The following MAML3 variants were observed in gnomAD, a reference collection of about 807,000 sequenced individuals.
MAML3 encodes the protein mastermind like transcriptional coactivator 3, also known as mastermind-like protein 3.
In MAML3, 27 loss-of-function variants were observed where a neutral mutation model predicts 101.9. That is an observed-to-expected ratio of 0.27 (90% CI 0.20 to 0.37). The LOEUF (loss-of-function observed/expected upper bound fraction) is 0.37, where lower values mean the gene tolerates loss of function less well. Ranked by LOEUF, MAML3 falls within the 10% of genes least tolerant of loss-of-function variation. MAML3 has a pLI of 1.00. For missense variants in MAML3, 1,316 were observed against 1,444.9 expected (o/e 0.91, Z 1.45); for synonymous variants, 501 against 555.9 (o/e 0.90, Z 1.39).
rs1732442947 is a variant in MAML3, at chr4:139,890,162, T to C, written c.1274A>G (p.His425Arg). 6.2e-7 allele frequency: 1 copy of C among 1,613,512 alleles called. No individual in the cohort carries two copies. The highest frequency in any genetic ancestry group is 8.5e-7 in the Non-Finnish European group (1 of 1,179,876). The change falls in exon 2 of 5, where the codon CAC (histidine) becomes CGC (arginine). Residue 425 changes from histidine to arginine, a missense_variant. His to Arg is a conservative substitution (Grantham distance 29). Coordinates refer to ENST00000509479, the MANE Select transcript of MAML3 (RefSeq NM_018717.5). The surrounding 1 kb of genome is among the most constrained non-coding windows in gnomAD (Gnocchi z 4.1). Reference sequence around the variant, plus strand: ...CCGAGGTGGAGCTTGGCCTGGAGTGTGGGCTTGGTTTGGAGTTTGAGGGGA... The same window carrying C: ...CCGAGGTGGAGCTTGGCCTGGAGTGCGGGCTTGGTTTGGAGTTTGAGGGGA... ...VQSPQTPNQAHTPGQAPPRPG... is the reference protein window; with the variant it reads ...VQSPQTPNQARTPGQAPPRPG...
Position 139,825,765 on chromosome 4 carries a change from GAAA to G in MAML3, c.2079+63589_2079+63591del, listed in dbSNP as rs10572822. Among the ~76,000 whole-genome samples, 390 of 145,426 alleles carry G rather than the reference GAAA, an allele frequency of 2.7e-3. 1 individual carries two copies. The highest frequency in any genetic ancestry group is 8.2e-3 in the African/African-American group (325 of 39,714). ...CAATGACTTCAAGGAAGAGAAGAAG[GAAA>G]AAAAAAAAAAAGTTGCACGTTCTTT... On this transcript the variant is annotated intron_variant, in intron 2 of 4. Coordinates refer to ENST00000509479, the MANE Select transcript of MAML3 (RefSeq NM_018717.5).
chr4:139,923,542 G>A (rs1733167507), intron 1 of MAML3, among the ~76,000 whole-genome samples: 1 of 152,114 alleles, frequency 6.6e-6, no homozygotes, highest in Non-Finnish European at 1.5e-5. Flanking sequence ...ATTGATAAAT[G>A]CCTTGCTCGT....
intron 2 of MAML3, among the ~76,000 whole-genome samples, chr4:139,772,081 A>G (rs1053730554): frequency 5.3e-5 from 8 of 151,460 alleles, no homozygotes; most frequent in African/African-American, 1.9e-4. Context: ...TCTACTAAAA[A>G]TACAAAAAAT....
At chr4:140,147,476 T>C (rs1729084163) in intron 1 of MAML3, among the ~76,000 whole-genome samples, 1 of 152,174 alleles carries the variant, frequency 6.6e-6, no homozygotes, top group Non-Finnish European at 1.5e-5. Context: ...GATAACGGTG[T>C]TAAAGATCAC....
intron 1 of MAML3, among the ~76,000 whole-genome samples, chr4:140,087,934 A>G (rs1727984278): frequency 6.6e-6 from 1 of 152,254 alleles, no homozygotes; most frequent in African/African-American, 2.4e-5. Flanking sequence ...AGTAACAATC[A>G]AGCATAAATA....
chr4:140,076,055 C>T (rs1484394291), intron 1 of MAML3, among the ~76,000 whole-genome samples: 1 of 151,362 alleles, frequency 6.6e-6, no homozygotes, highest in African/African-American at 2.4e-5. Flanking sequence ...AGCCACCACA[C>T]CCAGCCTCCC....
At chr4:139,981,607 C>A (rs746914225) in intron 1 of MAML3, among the ~76,000 whole-genome samples, 22 of 152,188 alleles carry the variant, frequency 1.4e-4, no homozygotes, top group Admixed American at 2.6e-4. Context: ...AGATTTTCTT[C>A]ATTTTTACCT....
chr4:139,838,130 TCAC>T (rs2111141807), intron 2 of MAML3, among the ~76,000 whole-genome samples: 1 of 151,756 alleles, frequency 6.6e-6, no homozygotes, highest in Non-Finnish European at 1.5e-5. Context: ...TTTTCCCAGA[TCAC>T]CATTATAGGA....
At chr4:140,066,246 A>T (rs1727534870) in intron 1 of MAML3, among the ~76,000 whole-genome samples, 1 of 152,236 alleles carries the variant, frequency 6.6e-6, no homozygotes, top group Non-Finnish European at 1.5e-5. Flanking sequence ...AGGACTGATA[A>T]TCACTCTAGC....
At chr4:140,151,629 G>A (rs1038428847) in intron 1 of MAML3, among the ~76,000 whole-genome samples, 2 of 151,598 alleles carry the variant, frequency 1.3e-5, no homozygotes, top group African/African-American at 4.8e-5. Context: ...GAAGGCGCGC[G>A]GCCCCGGCAC....
In MAML3 at chr4:139,868,170, C is replaced by T. The variant is rs373192294; in HGVS notation, c.2079+21187G>A. Among the ~76,000 whole-genome samples the T allele has an allele frequency of 8.5e-5, 13 of 152,332 alleles. 1 individual carries two copies. The South Asian group carries it at 2.7e-3, about 32-fold the overall frequency. On this transcript the variant is annotated intron_variant, in intron 2 of 4. Coordinates refer to ENST00000509479, the MANE Select transcript of MAML3 (RefSeq NM_018717.5). Reference sequence around the variant, plus strand: ...AATCCTACATATTGTTTTAGACCATCTGATTACACTTAGGAGCTATTTAGG... The same window carrying T: ...AATCCTACATATTGTTTTAGACCATTTGATTACACTTAGGAGCTATTTAGG...
intron 1 of MAML3, among the ~76,000 whole-genome samples, chr4:140,079,485 A>C (rs1020020718): frequency 3.8e-4 from 57 of 151,950 alleles, no homozygotes; most frequent in African/African-American, 1.3e-3. Context: ...GTAGATATGG[A>C]GTTTCACCAC....
chr4:140,043,706 C>T (rs1019259393), intron 1 of MAML3, among the ~76,000 whole-genome samples: 2 of 152,158 alleles, frequency 1.3e-5, no homozygotes, highest in South Asian at 2.1e-4. Flanking sequence ...ATCAATCGTG[C>T]CCACCTAGAT....
In MAML3 at chr4:139,833,848, TCA is replaced by T. The variant is rs1731214052; in HGVS notation, c.2079+55507_2079+55508del. Among the ~76,000 whole-genome samples, 6 of 152,102 alleles carry T rather than the reference TCA, an allele frequency of 3.9e-5. No homozygotes were observed. In the South Asian group the frequency reaches 1.2e-3, roughly 32 times the overall value. On this transcript the variant is annotated intron_variant, in intron 2 of 4. Transcript: ENST00000509479. Reference sequence around the variant, plus strand: ...TCCACCAGCTCTTCAGAAGAATGAATCACAGTATCCCTTCTCACACGGGAACC... The same window carrying T: ...TCCACCAGCTCTTCAGAAGAATGAATCAGTATCCCTTCTCACACGGGAACC...
chr4:139,888,618 T>C (rs1027176188), intron 2 of MAML3: 1 of 519,020 alleles, frequency 1.9e-6, no homozygotes, highest in East Asian at 5.4e-5. Flanking sequence ...TTACCATGCA[T>C]ACCAAGAGCC....
intron 1 of MAML3, among the ~76,000 whole-genome samples, chr4:140,104,421 A>ATATATTATATAT (rs1728315556): frequency 3.2e-5 from 1 of 31,618 alleles, no homozygotes; most frequent in Non-Finnish European, 8.0e-5. Context: ...ATAATATATA[A>ATATATTATATAT]TATACACGAA....
intron 1 of MAML3, among the ~76,000 whole-genome samples, chr4:139,957,633 C>A (rs925045089): frequency 6.6e-6 from 1 of 152,184 alleles, no homozygotes; most frequent in Non-Finnish European, 1.5e-5. Flanking sequence ...CAGTCCTGCA[C>A]ATCAAGCAAA....
intron 1 of MAML3, among the ~76,000 whole-genome samples, chr4:139,969,717 T>G (rs750933486): frequency 8.5e-5 from 13 of 152,144 alleles, no homozygotes; most frequent in Non-Finnish European, 1.5e-4. Context: ...CTTCAAATAT[T>G]CATAGGGCCT....
chr4:140,074,223 A>AGAGAGAGAG (rs1560885554), intron 1 of MAML3, among the ~76,000 whole-genome samples: 1 of 42,068 alleles, frequency 2.4e-5, no homozygotes, highest in African/African-American at 5.4e-5. Flanking sequence ...GAAAGAAAGA[A>AGAGAGAGAG]AGAAAGAAAG....
Sources: allele counts gnomAD v4.1 joint callset (sites outside exome capture counted in the v4.1 genomes callset), GRCh38; gene constraint gnomAD v4.1.1; non-coding constraint Gnocchi (gnomAD v3.1); transcripts MANE v1.5; gene names NCBI Gene and HGNC (gene_info 2026-07-23, HGNC 2026-07-21).